PCDHGA10: variants seen among roughly 807,000 people sequenced by gnomAD.
PCDHGA10 encodes protocadherin gamma subfamily A, 10.
PCDHGA10 carries 42 observed loss-of-function variants against 59.5 expected under a neutral mutation model. The observed-to-expected ratio is 0.71, with a 90% CI of 0.55 to 0.91. The LOEUF (loss-of-function observed/expected upper bound fraction) is 0.91, where lower values mean the gene tolerates loss of function less well. PCDHGA10 is among the 40% of genes least tolerant of loss of function. The probability of loss-of-function intolerance (pLI) is 0.00; values close to 1 mark genes in which losing one functional copy is unlikely to be tolerated. For synonymous variants in PCDHGA10, 511 were observed against 517.2 expected (o/e 0.99, Z 0.16); for missense variants, 1,111 against 1,198.2 (o/e 0.93, Z 1.07).
chr5:141,415,163 C>G lies in PCDHGA10; in HGVS notation c.1988C>G (p.Thr663Arg), dbSNP rs572456395. Residue 663 changes from threonine to arginine, a missense_variant, in exon 1 of 4, where the codon ACG becomes AGG. Transcript: ENST00000398610. ...HGQPPLSATV[T>R]LTVAVADSIP... ...CAGCCCCCTCTCTCCGCCACTGTCA[C>G]GCTCACCGTGGCCGTGGCCGACAGC... 6.8e-6 allele frequency: 11 copies of G among 1,613,856 alleles called. No individual in the cohort carries two copies. The highest frequency in any genetic ancestry group is 1.3e-5 in the African/African-American group (1 of 75,074).
At chr5:141,438,720 G>A (rs1393152221) in intron 1 of PCDHGA10, among the ~76,000 whole-genome samples, 1 of 147,892 alleles carries the variant, frequency 6.8e-6, no homozygotes, top group Non-Finnish European at 1.5e-5. Flanking sequence ...GAGTGCAAGT[G>A]GTGTGATCTC....
In PCDHGA10 at chr5:141,477,200, C is replaced by A; in HGVS notation, c.2437-17607C>A. On this transcript the variant is annotated intron_variant, in intron 1 of 3. Transcript: ENST00000398610. The surrounding 1 kb of genome is among the most constrained non-coding windows in gnomAD (Gnocchi z 4.9). The stretch of plus-strand genomic sequence containing the variant: ...AGTCACCTCCGTGTACAGCCCAGTA[C>A]CCGAGGATGCCCCTCTGGGGACTGT... 6.2e-7 allele frequency: 1 copy of A among 1,614,206 alleles called. No homozygotes were observed. Among genetic ancestry groups the A allele is most frequent in the South Asian group, 1.1e-5 (1 of 91,088 alleles).
chr5:141,492,077 C>G (rs917149790), intron 1 of PCDHGA10: 1 of 483,342 alleles, frequency 2.1e-6, no homozygotes, highest in African/African-American at 2.0e-5. Context: ...GGCGCCGGCT[C>G]CGGCACGCTT....
chr5:141,456,576 A>C (rs1383992335), intron 1 of PCDHGA10, among the ~76,000 whole-genome samples: 2 of 152,188 alleles, frequency 1.3e-5, no homozygotes, highest in African/African-American at 4.8e-5. Context: ...ATTTTCCCTG[A>C]GCCTGTCAAT....
chr5:141,415,966 C>G, intron 1 of PCDHGA10: 1 of 405,604 alleles, frequency 2.5e-6, no homozygotes, highest in Non-Finnish European at 4.0e-6. Flanking sequence ...AAACTCCAGC[C>G]CCTTAAGCAA....
intron 1 of PCDHGA10, among the ~76,000 whole-genome samples, chr5:141,469,088 G>A (rs1388316490): frequency 6.6e-6 from 1 of 151,604 alleles, no homozygotes; most frequent in Non-Finnish European, 1.5e-5. Context: ...ACCATTCTAG[G>A]CAACAAAGCA....
At chr5:141,460,580 G>A (rs1037056676) in intron 1 of PCDHGA10, among the ~76,000 whole-genome samples, 7 of 152,160 alleles carry the variant, frequency 4.6e-5, no homozygotes, top group African/African-American at 1.4e-4. Flanking sequence ...ATGTAGGTGT[G>A]GGTTTTTTCT....
intron 1 of PCDHGA10, among the ~76,000 whole-genome samples, chr5:141,455,407 A>T (rs1273781307): frequency 1.3e-5 from 2 of 152,174 alleles, no homozygotes; most frequent in Non-Finnish European, 2.9e-5. Context: ...TTACAGAGAC[A>T]GAGGGAGCGG....
At chr5:141,494,638 A>G (rs2099755799) in intron 1 of PCDHGA10, 169 bp from the exon 2 acceptor site, 1 of 896,388 alleles carries the variant, frequency 1.1e-6, no homozygotes, top group African/African-American at 1.8e-5. Context: ...GACCTCTGAG[A>G]CCTGAGGTGT....
intron 1 of PCDHGA10, among the ~76,000 whole-genome samples, chr5:141,472,015 T>C (rs2099269555): frequency 6.6e-6 from 1 of 152,164 alleles, no homozygotes; most frequent in African/African-American, 2.4e-5. Flanking sequence ...AGGGGCACTA[T>C]ATTGTATGTA....
intron 1 of PCDHGA10, among the ~76,000 whole-genome samples, chr5:141,467,809 C>T (rs1026263094): frequency 6.6e-6 from 1 of 152,056 alleles, no homozygotes. Flanking sequence ...CAGGCACATG[C>T]CACCACACCA....
In PCDHGA10 at chr5:141,438,615, TATATATATATATATATATATACACAC is replaced by T. The variant is rs1337184558; in HGVS notation, c.2436+23006_2436+23031del. ...ACATATATATATATATATATATATATATATATATATATATATATATACACACACACACACACATATATGTATATATA... is the reference window on the plus strand; with the variant it reads ...ACATATATATATATATATATATATATACACACACACATATATGTATATATA... On this transcript the variant is annotated intron_variant, in intron 1 of 3. Coordinates refer to ENST00000398610, the MANE Select transcript of PCDHGA10 (RefSeq NM_018913.3). 3.6e-3 allele frequency among the ~76,000 whole-genome samples: 130 copies of T among 35,912 alleles called. 2 individuals are homozygous for T. Among genetic ancestry groups the T allele is most frequent in the African/African-American group, 0.022 (107 of 4,918 alleles). The allele number at this position is 35,912 out of a possible 152,430, so 23.6% of individuals were successfully genotyped here.
chr5:141,457,972 A>AC (rs1198043621), intron 1 of PCDHGA10, among the ~76,000 whole-genome samples: 4 of 152,218 alleles, frequency 2.6e-5, no homozygotes, highest in African/African-American at 9.6e-5. Flanking sequence ...TTAAAGGGAA[A>AC]CACACCCTTT....
intron 1 of PCDHGA10, chr5:141,423,750 TGG>T (rs144521096): frequency 3.2e-4 from 92 of 287,850 alleles, no homozygotes; most frequent in South Asian, 5.2e-4. Context: ...GAAAACTGTT[TGG>T]GGGGGGGGTG....
At chr5:141,464,218 T>C (rs1464478430) in intron 1 of PCDHGA10, among the ~76,000 whole-genome samples, 1 of 150,958 alleles carries the variant, frequency 6.6e-6, no homozygotes, top group Non-Finnish European at 1.5e-5. Flanking sequence ...TGAGCTGAGA[T>C]TGCGCCACTG....
chr5:141,478,148 C>T lies in PCDHGA10; in HGVS notation c.2437-16659C>T, dbSNP rs752958567. ...CTCTCCTGAAGCCCGAGCCGAGTTC[C>T]CCTCTGGCTCTGCCCCCCGGGAGCA... On this transcript the variant is annotated intron_variant, in intron 1 of 3. Coordinates refer to ENST00000398610, the MANE Select transcript of PCDHGA10 (RefSeq NM_018913.3). 3.1e-6 allele frequency: 5 copies of T among 1,613,948 alleles called. No homozygotes were observed. The highest frequency in any genetic ancestry group is 1.6e-4 in the Middle Eastern group (1 of 6,082).
At chr5:141,428,185 G>T (rs775261215) in intron 1 of PCDHGA10, 286 of 1,446,232 alleles carry the variant, frequency 2.0e-4, no homozygotes, top group Non-Finnish European at 2.5e-4. Context: ...GAGGACAGCC[G>T]CCGCTCTCTG....
In PCDHGA10 at chr5:141,412,993, G is replaced by T. The variant is rs1401025160; in HGVS notation, c.-183G>T. The T allele has an allele frequency of 1.2e-5, 7 of 574,186 alleles. No individual in the cohort carries two copies. The highest frequency in any genetic ancestry group is 1.8e-5 in the Non-Finnish European group (6 of 341,042). 35.6% of individuals were successfully genotyped at this position (574,186 alleles called of 1,614,324 possible). A position where few individuals can be genotyped will look rare whatever the true frequency, so the allele number is the denominator to read the frequency against. On this transcript the variant is annotated 5_prime_UTR_variant, in exon 1 of 4. Coordinates refer to ENST00000398610, the MANE Select transcript of PCDHGA10 (RefSeq NM_018913.3). ...GAAAACGCAGCCAGAGCTCAATCCGGATTCTCAGGGCTTCAACTACACAAG... is the reference window on the plus strand; with the variant it reads ...GAAAACGCAGCCAGAGCTCAATCCGTATTCTCAGGGCTTCAACTACACAAG...
rs543209695 is a variant in PCDHGA10, at chr5:141,431,563, C to A, written c.2436+15952C>A. The stretch of plus-strand genomic sequence containing the variant: ...AGCTGCTTGTAGTCAACGCTACCGA[C>A]CCTGACGAAGGAGTCAATGCGGAAG... On this transcript the variant is annotated intron_variant, in intron 1 of 3. Coordinates refer to ENST00000398610, the MANE Select transcript of PCDHGA10 (RefSeq NM_018913.3). The surrounding 1 kb of genome is among the most constrained non-coding windows in gnomAD (Gnocchi z 4.8). 1.2e-6 allele frequency: 2 copies of A among 1,614,144 alleles called. No individual in the cohort carries two copies. The highest frequency in any genetic ancestry group is 2.7e-5 in the African/African-American group (2 of 75,072).
Sources: allele counts gnomAD v4.1 joint callset (sites outside exome capture counted in the v4.1 genomes callset), GRCh38; gene constraint gnomAD v4.1.1; non-coding constraint Gnocchi (gnomAD v3.1); transcripts MANE v1.5; gene names NCBI Gene and HGNC (gene_info 2026-07-23, HGNC 2026-07-21).